Variants in ASIC2 observed in about 807,000 individuals in gnomAD.
ASIC2 encodes the protein acid-sensing ion channel 2.
ASIC2 carries 25 observed loss-of-function variants against 57.3 expected under a neutral mutation model. That is an observed-to-expected ratio of 0.44 (90% CI 0.32 to 0.61). The LOEUF is 0.61. Among genes scored for constraint, ASIC2 ranks in the 20% least tolerant of loss-of-function variants. The probability of loss-of-function intolerance (pLI) is 0.06; values close to 1 mark genes in which losing one functional copy is unlikely to be tolerated. For missense variants in ASIC2, 641 were observed against 738.1 expected (o/e 0.87, Z 1.52); for synonymous variants, 319 against 307.5 (o/e 1.04, Z -0.39).
intron 1 of ASIC2, among the ~76,000 whole-genome samples, chr17:33,222,972 G>A (rs1457499098): frequency 6.6e-6 from 1 of 151,818 alleles, no homozygotes; most frequent in Non-Finnish European, 1.5e-5. Flanking sequence ...AGGTAGCCTT[G>A]TTCTCACTAG....
intron 1 of ASIC2, among the ~76,000 whole-genome samples, chr17:33,582,103 G>A (rs747851981): frequency 7.2e-5 from 11 of 152,122 alleles, no homozygotes; most frequent in Non-Finnish European, 1.6e-4. Context: ...ACAGAACTAG[G>A]AGCTAATAAA....
chr17:33,754,215 C>G (rs1163437075), intron 1 of ASIC2, among the ~76,000 whole-genome samples: 4 of 152,132 alleles, frequency 2.6e-5, no homozygotes, highest in Admixed American at 2.6e-4. Flanking sequence ...ATCAACTCTT[C>G]TCAGCCCATC....
chr17:33,235,557 G>A (rs184042570), intron 1 of ASIC2, among the ~76,000 whole-genome samples: 33 of 152,320 alleles, frequency 2.2e-4, no homozygotes, highest in Admixed American at 5.2e-4. Flanking sequence ...AGGAAAGCCC[G>A]TGGGTAACCA....
intron 1 of ASIC2, among the ~76,000 whole-genome samples, chr17:33,424,342 T>C (rs977494763): frequency 2.2e-4 from 33 of 152,198 alleles, no homozygotes; most frequent in African/African-American, 7.7e-4. Flanking sequence ...GGTCCTTTTG[T>C]CTGCACCACT....
chr17:34,040,133 C>T (rs1331638484), intron 1 of ASIC2, among the ~76,000 whole-genome samples: 1 of 95,020 alleles, frequency 1.1e-5, no homozygotes, highest in African/African-American at 7.3e-5. Flanking sequence ...GCCCCGGGCC[C>T]GGGCGGCCAC....
intron 1 of ASIC2, among the ~76,000 whole-genome samples, chr17:33,167,758 C>T (rs1381141546): frequency 6.6e-6 from 1 of 152,184 alleles, no homozygotes; most frequent in Admixed American, 6.5e-5. Context: ...GGACTATCTA[C>T]CCCATTTGAC....
At chr17:33,826,547 G>GC (rs1483050580) in intron 1 of ASIC2, among the ~76,000 whole-genome samples, 4 of 152,184 alleles carry the variant, frequency 2.6e-5, no homozygotes, top group African/African-American at 9.7e-5. Context: ...GTAGCCCATT[G>GC]CCTTTATTTC....
chr17:34,085,207 T>C (rs12103786), intron 1 of ASIC2, among the ~76,000 whole-genome samples: 27,586 of 152,092 alleles, frequency 0.18, 3,187 homozygotes, highest in African/African-American at 0.33. Flanking sequence ...TTTTGAGATA[T>C]GTCCCATCAA....
chr17:33,079,825 G>T (rs971690805), intron 3 of ASIC2, among the ~76,000 whole-genome samples: 1 of 152,152 alleles, frequency 6.6e-6, no homozygotes, highest in African/African-American at 2.4e-5. Flanking sequence ...GTAGGAACCA[G>T]CATTATCCCC....
chr17:33,895,997 T>A (rs535928934), intron 1 of ASIC2, among the ~76,000 whole-genome samples: 1 of 148,090 alleles, frequency 6.8e-6, no homozygotes, highest in Non-Finnish European at 1.5e-5. Context: ...ATTATGACGA[T>A]TAAATGAGAT....
intron 3 of ASIC2, among the ~76,000 whole-genome samples, chr17:33,061,328 T>C (rs1455633461): frequency 6.6e-6 from 1 of 152,228 alleles, no homozygotes; most frequent in Non-Finnish European, 1.5e-5. Flanking sequence ...TATTTTTAGA[T>C]ATGTTGCATC....
chr17:33,574,202 T>C (rs1916545023), intron 1 of ASIC2, among the ~76,000 whole-genome samples: 1 of 152,236 alleles, frequency 6.6e-6, no homozygotes, highest in Non-Finnish European at 1.5e-5. Context: ...CATCAATTAG[T>C]ACTTGGCACT....
At chr17:33,158,122 G>A (rs762472931) in intron 1 of ASIC2, among the ~76,000 whole-genome samples, 9 of 152,228 alleles carry the variant, frequency 5.9e-5, no homozygotes, top group Non-Finnish European at 1.2e-4. Flanking sequence ...TTTTTTCTCC[G>A]TAGTGCTCAT....
chr17:33,981,211 A>C (rs1334983159), intron 1 of ASIC2, among the ~76,000 whole-genome samples: 1 of 152,024 alleles, frequency 6.6e-6, no homozygotes, highest in Non-Finnish European at 1.5e-5. Flanking sequence ...CGGCCTCCCA[A>C]AGTGCTGGGA....
At chr17:33,928,914 G>A (rs1170997394) in intron 1 of ASIC2, among the ~76,000 whole-genome samples, 2 of 152,116 alleles carry the variant, frequency 1.3e-5, no homozygotes. Flanking sequence ...AGCCTTTCCT[G>A]CTCCTGGCCC....
At chr17:33,987,404 G>A (rs1905855708) in intron 1 of ASIC2, among the ~76,000 whole-genome samples, 1 of 152,262 alleles carries the variant, frequency 6.6e-6, no homozygotes, top group South Asian at 2.1e-4. Context: ...ACAGACTTCT[G>A]TTTGCAATCC....
Position 33,017,326 on chromosome 17 carries a change from C to A in ASIC2, c.1521+279G>T, listed in dbSNP as rs112510047. 5.9e-3 allele frequency among the ~76,000 whole-genome samples: 894 copies of A among 152,358 alleles called. 9 individuals are homozygous for A. Among genetic ancestry groups the A allele is most frequent in the African/African-American group, 0.02 (852 of 41,584 alleles). ...CACAGTCTGGCCCCCTTCCCCTCAT[C>A]CCTCCCCATCCTTCCCTGCCAGTGT... On this transcript the variant is annotated intron_variant, in intron 8 of 9. Coordinates refer to ENST00000225823, the MANE Select transcript of ASIC2 (RefSeq NM_183377.2).
chr17:33,751,135 T>C (rs536962234), intron 1 of ASIC2, among the ~76,000 whole-genome samples: 1 of 152,286 alleles, frequency 6.6e-6, no homozygotes, highest in African/African-American at 2.4e-5. Context: ...TATTTATTTG[T>C]TCAGTTTAAT....
chr17:33,703,327 T>TTTTTC (rs1908763734), intron 1 of ASIC2, among the ~76,000 whole-genome samples: 15 of 108,334 alleles, frequency 1.4e-4, no homozygotes, highest in African/African-American at 4.9e-4. Flanking sequence ...TTTTCTTTTT[T>TTTTTC]TTTTTGTTGC....
Sources: gnomAD v4.1 joint callset for allele counts (sites outside exome capture counted in the v4.1 genomes callset) on GRCh38, gnomAD v4.1.1 for gene constraint, MANE v1.5 for transcripts, NCBI Gene and HGNC (gene_info 2026-07-23, HGNC 2026-07-21) for gene names.